The following MPRIP variants were observed in gnomAD, a reference collection of about 807,000 sequenced individuals.
MPRIP encodes the protein myosin phosphatase Rho interacting protein.
MPRIP carries 59 observed loss-of-function variants against 234.9 expected under a neutral mutation model. That is an observed-to-expected ratio of 0.25 (90% confidence interval 0.20 to 0.31). The LOEUF (loss-of-function observed/expected upper bound fraction) is 0.31. MPRIP is among the 10% of genes least tolerant of loss of function. The pLI, the probability that MPRIP is intolerant of heterozygous loss-of-function variation, is 1.00. For missense variants in MPRIP, 2,436 were observed against 3,071.0 expected, an observed-to-expected ratio of 0.79 and a Z score of 4.89; for synonymous variants, 1,144 against 1,263.9, an observed-to-expected ratio of 0.91 and a Z score of 2.01.
rs992319317 is a variant in MPRIP at position 17,047,088 on chromosome 17, C to G, written c.123+4117C>G. On this transcript the variant is annotated intron_variant, in intron 1 of 23. Transcript: ENST00000651222. ...AGCTACTCCTTGGGAGGCTGAGGCACGAGAATTGCTTGAACCCAGGAGGCA... is the reference window on the plus strand; with the variant it reads ...AGCTACTCCTTGGGAGGCTGAGGCAGGAGAATTGCTTGAACCCAGGAGGCA... Among the ~76,000 whole-genome samples the G allele has an allele frequency of 2.0e-5, 3 of 152,058 alleles. No homozygotes were observed. The South Asian group carries it at 6.2e-4, about 32-fold the overall frequency.
chr17:17,090,520 G>A (rs910258813), intron 3 of MPRIP, among the ~76,000 whole-genome samples: 1 of 152,182 alleles, frequency 6.6e-6, no homozygotes, highest in African/African-American at 2.4e-5. Flanking sequence ...AGAAGCAGTG[G>A]TGTTGGGGTT....
At chr17:17,073,948 C>T (rs1277862256) in intron 1 of MPRIP, among the ~76,000 whole-genome samples, 2 of 152,222 alleles carry the variant, frequency 1.3e-5, no homozygotes, top group African/African-American at 2.4e-5. Context: ...ACCCCAGGCA[C>T]ACAGCTCCAC....
intron 3 of MPRIP, among the ~76,000 whole-genome samples, chr17:17,089,075 G>A (rs190662730): frequency 7.2e-5 from 11 of 152,286 alleles, no homozygotes; most frequent in East Asian, 1.9e-4. Flanking sequence ...TGTCAGAATC[G>A]AACTCCAGGG....
intron 1 of MPRIP, among the ~76,000 whole-genome samples, chr17:17,049,358 G>T (rs1355532523): frequency 6.6e-6 from 1 of 152,148 alleles, no homozygotes; most frequent in Non-Finnish European, 1.5e-5. Flanking sequence ...TATGGTGGGG[G>T]TACATCCAGG....
At position 17,081,687 on chromosome 17, in the gene MPRIP, C is replaced by T. The variant is rs143113516; in HGVS notation, c.267+3611C>T. ...CAGTGGCTTCGGGAAGCCCTTTCTG[C>T]TCGGGGACTTCTGCTGGGGCTGGGG... On this transcript the variant is annotated intron_variant, in intron 3 of 23. Coordinates refer to ENST00000651222, the MANE Select transcript of MPRIP (RefSeq NM_001364716.4). Among the ~76,000 whole-genome samples the T allele has an allele frequency of 2.9e-3, 448 of 152,312 alleles. 2 individuals carry two copies. The highest frequency in any genetic ancestry group is 0.01 in the African/African-American group (436 of 41,564).
At chr17:17,062,840 A>G (rs762343574) in intron 1 of MPRIP, among the ~76,000 whole-genome samples, 7 of 152,200 alleles carry the variant, frequency 4.6e-5, no homozygotes, top group African/African-American at 1.7e-4. Flanking sequence ...CTTCAGGCCC[A>G]GGCTCTGGAC....
chr17:17,073,995 A>G lies in MPRIP; in HGVS notation c.124-1715A>G, dbSNP rs376351626. ...ATGGGGAAAGCCAGTGCTCCTGGGG[A>G]CCTTGAGGACCCTGCAGGCGGAAGC... On this transcript the variant is annotated intron_variant, in intron 1 of 23. Transcript: ENST00000651222. Among the ~76,000 whole-genome samples the G allele has an allele frequency of 3.9e-5, 6 of 152,200 alleles. No individual in the cohort carries two copies. In the East Asian group the frequency reaches 1.2e-3, roughly 29 times the overall value.
intron 12 of MPRIP, among the ~76,000 whole-genome samples, chr17:17,152,044 C>A (rs1436035112): frequency 1.3e-5 from 2 of 152,258 alleles, no homozygotes; most frequent in African/African-American, 4.8e-5. Context: ...GAAGTATAGA[C>A]CCAAAGGCCA....
At chr17:17,172,961 C>G in intron 18 of MPRIP, 146 bp downstream of exon 18, 1 of 657,384 alleles carries the variant, frequency 1.5e-6, no homozygotes, top group South Asian at 1.8e-5. Context: ...CTCAGATGCC[C>G]TCTTGTCCAG....
At chr17:17,182,554 G>C (rs796621785) in intron 23 of MPRIP, 3 of 152,506 alleles carry the variant, frequency 2.0e-5, no homozygotes, top group African/African-American at 7.2e-5. Flanking sequence ...GAATCCAGAG[G>C]ACGTAGAGAG....
chr17:17,184,223 T>A (rs28675182), intron 23 of MPRIP, among the ~76,000 whole-genome samples: 239 of 152,372 alleles, frequency 1.6e-3, no homozygotes, highest in African/African-American at 4.8e-3. Context: ...ATTGGTTTTA[T>A]GTTTTGAAAA....
In MPRIP at chr17:17,152,613, AC is replaced by A. The variant is rs2045627863; in HGVS notation, c.1720-1691del. Among the ~76,000 whole-genome samples, 3 of 152,286 alleles carry A rather than the reference AC, an allele frequency of 2.0e-5. No homozygotes were observed. The South Asian group carries it at 6.2e-4, about 32-fold the overall frequency. On this transcript the variant is annotated intron_variant, in intron 12 of 23. Transcript: ENST00000651222. ...AAGCATGTCCCAGACTGGACTCCAG[AC>A]CTGGTGGCACAGAGAGCACAGAGCC...
Sources: allele counts gnomAD v4.1 joint callset (sites outside exome capture counted in the v4.1 genomes callset), GRCh38; gene constraint gnomAD v4.1.1; transcripts MANE v1.5; gene names NCBI Gene and HGNC (gene_info 2026-07-23, HGNC 2026-07-21).